The following CDH13 variants were observed in gnomAD, a reference collection of about 807,000 sequenced individuals.
CDH13 encodes cadherin-13.
CDH13 carries 24 observed loss-of-function variants against 63.8 expected under a neutral mutation model. That is an observed-to-expected ratio of 0.38 (90% confidence interval 0.27 to 0.53). The LOEUF is 0.53. Among genes scored for constraint, CDH13 ranks in the 20% least tolerant of loss-of-function variants. The probability of loss-of-function intolerance (pLI) is 0.85; values close to 1 mark genes in which losing one functional copy is unlikely to be tolerated. For synonymous variants in CDH13, 503 were observed against 355.3 expected (o/e 1.42, Z -4.67); for missense variants, 1,049 against 903.1 (o/e 1.16, Z -2.07).
intron 3 of CDH13, among the ~76,000 whole-genome samples, chr16:83,036,508 C>A (rs1383492439): frequency 1.3e-5 from 2 of 152,124 alleles, no homozygotes; most frequent in Non-Finnish European, 2.9e-5. Flanking sequence ...CAGAGTAAAC[C>A]TGCACAATGT....
At chr16:83,613,943 A>G (rs1450776436) in intron 8 of CDH13, among the ~76,000 whole-genome samples, 1 of 152,188 alleles carries the variant, frequency 6.6e-6, no homozygotes, top group Admixed American at 6.5e-5. Context: ...CATTTTACCT[A>G]TTTTCATGAA....
rs56692922 is a variant in CDH13, at chr16:83,447,053, TAA to T, written c.782-39404_782-39403del. 9.9e-3 allele frequency among the ~76,000 whole-genome samples: 639 copies of T among 64,270 alleles called. 9 individuals carry two copies. Among genetic ancestry groups the T allele is most frequent in the African/African-American group, 0.016 (335 of 20,376 alleles). The allele number at this position is 64,270 out of a possible 152,430, so 42.2% of individuals were successfully genotyped here. A position where few individuals can be genotyped will look rare whatever the true frequency, so the allele number is the denominator to read the frequency against. On this transcript the variant is annotated intron_variant, in intron 6 of 13. Coordinates refer to ENST00000567109, the MANE Select transcript of CDH13 (RefSeq NM_001257.5). ...TACCACCACCACTGGTCACCCGTCT[TAA>T]AAAAAAAAAAAAAAAAAAACAAAAA... is the stretch of plus-strand genomic sequence containing the variant.
chr16:83,136,553 G>A (rs895956478), intron 4 of CDH13, among the ~76,000 whole-genome samples: 7 of 151,774 alleles, frequency 4.6e-5, no homozygotes, highest in Admixed American at 4.6e-4. Context: ...AGCCAGGGGT[G>A]AGCCAAGGAT....
chr16:83,518,991 C>G (rs539040705), intron 7 of CDH13, among the ~76,000 whole-genome samples: 9 of 152,206 alleles, frequency 5.9e-5, no homozygotes, highest in Non-Finnish European at 1.3e-4. Context: ...ATATACCAGA[C>G]TCTACAGTTT....
chr16:83,211,702 T>A (rs773124911), intron 4 of CDH13, among the ~76,000 whole-genome samples: 1 of 151,918 alleles, frequency 6.6e-6, no homozygotes, highest in Non-Finnish European at 1.5e-5. Context: ...GCCTCAGTAC[T>A]CCCTGCCCCT....
chr16:82,714,509 T>C (rs1332883609), intron 1 of CDH13, among the ~76,000 whole-genome samples: 1 of 146,476 alleles, frequency 6.8e-6, no homozygotes, highest in Non-Finnish European at 1.5e-5. Context: ...AGGTTAGGAG[T>C]TCAAGACAAG....
intron 6 of CDH13, among the ~76,000 whole-genome samples, chr16:83,405,621 T>C (rs2092030841): frequency 6.6e-6 from 1 of 152,226 alleles, no homozygotes; most frequent in Admixed American, 6.5e-5. Flanking sequence ...TTGTGTTGTT[T>C]TAAGCCACCA....
chr16:82,774,931 G>A (rs948249913), intron 1 of CDH13, among the ~76,000 whole-genome samples: 1 of 152,210 alleles, frequency 6.6e-6, no homozygotes, highest in African/African-American at 2.4e-5. Context: ...GGAGAATCTT[G>A]GCGGTTAAAT....
chr16:83,000,574 CTTTTT>C (rs561787532), intron 2 of CDH13, among the ~76,000 whole-genome samples: 2 of 127,740 alleles, frequency 1.6e-5, no homozygotes, highest in Non-Finnish European at 1.6e-5. Flanking sequence ...TTTCTTTTCT[CTTTTT>C]TTTTTTTTTT....
Position 82,676,712 on chromosome 16 carries a change from C to T in CDH13, c.45+49575C>T, listed in dbSNP as rs562059903. Among the ~76,000 whole-genome samples, 12 of 152,182 alleles carry T rather than the reference C, an allele frequency of 7.9e-5. No individual in the cohort carries two copies. The South Asian group carries it at 2.5e-3, about 32-fold the overall frequency. Reference sequence around the variant, plus strand: ...TATAAAACAAAACCTCGGACATGAGCTATAAGACCTTGCATGAGATGCACT... The same window carrying T: ...TATAAAACAAAACCTCGGACATGAGTTATAAGACCTTGCATGAGATGCACT... On this transcript the variant is annotated intron_variant, in intron 1 of 13. Transcript: ENST00000567109.
chr16:83,310,271 T>A (rs1269437040), intron 5 of CDH13, among the ~76,000 whole-genome samples: 2 of 152,204 alleles, frequency 1.3e-5, no homozygotes, highest in African/African-American at 4.8e-5. Context: ...TAGATGCCTG[T>A]CAAATAAATA....
intron 7 of CDH13, among the ~76,000 whole-genome samples, chr16:83,506,220 A>G (rs896870802): frequency 6.6e-6 from 1 of 152,192 alleles, no homozygotes; most frequent in African/African-American, 2.4e-5. Flanking sequence ...GGCTGGTCAG[A>G]GTGAAGAGTA....
At chr16:82,702,392 C>G (rs1347295786) in intron 1 of CDH13, among the ~76,000 whole-genome samples, 2 of 152,202 alleles carry the variant, frequency 1.3e-5, no homozygotes, top group African/African-American at 4.8e-5. Flanking sequence ...CTGCTAGACA[C>G]TGACAGTGTG....
chr16:83,241,630 C>T (rs1904459174), intron 5 of CDH13, among the ~76,000 whole-genome samples: 1 of 152,116 alleles, frequency 6.6e-6, no homozygotes, highest in Non-Finnish European at 1.5e-5. Flanking sequence ...TGTATAACTT[C>T]CTTGGAGAAT....
chr16:83,219,278 A>G (rs928227443), intron 5 of CDH13, among the ~76,000 whole-genome samples: 1 of 150,758 alleles, frequency 6.6e-6, no homozygotes, highest in Non-Finnish European at 1.5e-5. Context: ...AGCTAATAAA[A>G]CAGAGCTTCG....
At chr16:83,469,058 G>A (rs1201557807) in intron 6 of CDH13, among the ~76,000 whole-genome samples, 1 of 152,172 alleles carries the variant, frequency 6.6e-6, no homozygotes, top group Non-Finnish European at 1.5e-5. Flanking sequence ...GCTGAGGTCA[G>A]ACTTTTAGAT....
chr16:83,127,841 C>G (rs367714490), intron 4 of CDH13, among the ~76,000 whole-genome samples: 1 of 152,126 alleles, frequency 6.6e-6, no homozygotes, highest in African/African-American at 2.4e-5. Context: ...CCAAAGATAC[C>G]TTTCTCTAAG....
chr16:83,604,756 G>A (rs1862728), intron 8 of CDH13, among the ~76,000 whole-genome samples: 20,489 of 151,998 alleles, frequency 0.13, 2,885 homozygotes, highest in African/African-American at 0.36. Context: ...TAAACTTAAC[G>A]ATGGGAACAA....
intron 1 of CDH13, among the ~76,000 whole-genome samples, chr16:82,645,345 G>A (rs146006230): frequency 1.3e-5 from 2 of 152,290 alleles, no homozygotes; most frequent in East Asian, 3.9e-4. Flanking sequence ...GTGAATATTT[G>A]CTGATCCTTC....
Sources: gnomAD v4.1 joint callset for allele counts (sites outside exome capture counted in the v4.1 genomes callset) on GRCh38, gnomAD v4.1.1 for gene constraint, MANE v1.5 for transcripts, NCBI Gene and HGNC (gene_info 2026-07-23, HGNC 2026-07-21) for gene names.